Variants in FSTL4 observed in about 807,000 individuals in gnomAD.
FSTL4 encodes follistatin like 4.
Under a neutral mutation model 78.2 loss-of-function variants are expected in FSTL4, and 28 were observed. That is an observed-to-expected ratio of 0.36 (90% CI 0.27 to 0.49). The LOEUF (loss-of-function observed/expected upper bound fraction) is 0.49. Ranked by LOEUF, FSTL4 falls within the 20% of genes least tolerant of loss-of-function variation. The pLI is 0.98. For synonymous variants in FSTL4, 422 were observed against 440.5 expected (o/e 0.96, Z 0.53); for missense variants, 922 against 1,084.9 (o/e 0.85, Z 2.11).
chr5:133,466,971 T>C (rs111360218), intron 3 of FSTL4, among the ~76,000 whole-genome samples: 5 of 130,968 alleles, frequency 3.8e-5, no homozygotes, highest in Non-Finnish European at 1.5e-5. Flanking sequence ...TGTGTGTGTA[T>C]GTGTATGAGT....
chr5:133,627,351 G>C, the FSTL4 span, among the ~76,000 whole-genome samples: 20,386 of 151,818 alleles, frequency 0.13, 1,744 homozygotes, highest in African/African-American at 0.24. Flanking sequence ...AAGACAATGA[G>C]AGCCAAGGAA....
At chr5:133,484,780 C>T (rs1376707238) in intron 3 of FSTL4, among the ~76,000 whole-genome samples, 7 of 152,202 alleles carry the variant, frequency 4.6e-5, no homozygotes, top group African/African-American at 1.7e-4. Context: ...CAACCGATGT[C>T]AGTGTGAGGG....
chr5:133,234,884 A>C (rs73788003), intron 7 of FSTL4, among the ~76,000 whole-genome samples: 8,076 of 152,254 alleles, frequency 0.053, 720 homozygotes, highest in African/African-American at 0.18. Flanking sequence ...TGCATGATAT[A>C]CACAGGGGAT....
the FSTL4 span, among the ~76,000 whole-genome samples, chr5:133,774,361 C>T: frequency 6.6e-6 from 1 of 152,110 alleles, no homozygotes; most frequent in East Asian, 1.9e-4. Flanking sequence ...TGTCTGAAGA[C>T]ATTTTGGGTT....
intron 6 of FSTL4, among the ~76,000 whole-genome samples, chr5:133,277,916 G>A (rs1021782997): frequency 4.6e-5 from 7 of 152,312 alleles, no homozygotes; most frequent in Admixed American, 3.3e-4. Context: ...GACGCCACGC[G>A]ACAAGGGATT....
At chr5:133,806,421 T>C in the FSTL4 span, among the ~76,000 whole-genome samples, 3 of 152,232 alleles carry the variant, frequency 2.0e-5, no homozygotes, top group African/African-American at 7.2e-5. Context: ...ACCTTGCAAA[T>C]GAAATAGTCA....
At chr5:133,625,079 A>G in the FSTL4 span, among the ~76,000 whole-genome samples, 3 of 151,412 alleles carry the variant, frequency 2.0e-5, no homozygotes, top group Non-Finnish European at 3.0e-5. Flanking sequence ...TGGGTCTTTA[A>G]TGTTTTTTTT....
At chr5:133,730,278 T>A in the FSTL4 span, among the ~76,000 whole-genome samples, 1 of 152,168 alleles carries the variant, frequency 6.6e-6, no homozygotes, top group East Asian at 1.9e-4. Flanking sequence ...CTCAACTGTG[T>A]CCCCTCATCA....
chr5:133,631,196 T>G, the FSTL4 span, among the ~76,000 whole-genome samples: 3 of 151,902 alleles, frequency 2.0e-5, no homozygotes, highest in African/African-American at 7.3e-5. Flanking sequence ...GAAACTATCA[T>G]GAGAGTGAAC....
chr5:133,535,898 C>T (rs246781), intron 3 of FSTL4, among the ~76,000 whole-genome samples: 61,984 of 151,936 alleles, frequency 0.41, 12,969 homozygotes, highest in African/African-American at 0.49. Flanking sequence ...TGAGTGTCGT[C>T]GTTTTGTGTC....
intron 4 of FSTL4, among the ~76,000 whole-genome samples, chr5:133,316,946 G>C (rs1753920528): frequency 6.6e-6 from 1 of 152,208 alleles, no homozygotes; most frequent in South Asian, 2.1e-4. Context: ...GTGACTGCCA[G>C]ATGGAATGGG....
At chr5:133,562,708 AC>A (rs2112939577) in intron 3 of FSTL4, among the ~76,000 whole-genome samples, 1 of 152,178 alleles carries the variant, frequency 6.6e-6, no homozygotes, top group Non-Finnish European at 1.5e-5. Flanking sequence ...TCATCCCCAA[AC>A]TCGCAGCCCC....
At chr5:133,638,922 G>T in the FSTL4 span, among the ~76,000 whole-genome samples, 2 of 151,632 alleles carry the variant, frequency 1.3e-5, no homozygotes, top group Non-Finnish European at 1.5e-5. Context: ...TGTATTTTAG[G>T]TTTTTTTTAA....
At chr5:133,435,359 C>T (rs1408917643) in intron 3 of FSTL4, among the ~76,000 whole-genome samples, 1 of 152,196 alleles carries the variant, frequency 6.6e-6, no homozygotes, top group African/African-American at 2.4e-5. Context: ...TGCACAGTAG[C>T]ACCAAAGATG....
the FSTL4 span, among the ~76,000 whole-genome samples, chr5:133,828,680 C>T: frequency 6.6e-6 from 1 of 152,224 alleles, no homozygotes; most frequent in African/African-American, 2.4e-5. Flanking sequence ...TGCTGGTTCT[C>T]TCCTCTGCAA....
the FSTL4 span, among the ~76,000 whole-genome samples, chr5:133,757,368 C>G: frequency 2.0e-5 from 3 of 151,986 alleles, no homozygotes; most frequent in African/African-American, 7.2e-5. Flanking sequence ...TATTTTATGC[C>G]TGCAGTGCAT....
chr5:133,504,115 A>G (rs976379858), intron 3 of FSTL4, among the ~76,000 whole-genome samples: 17 of 152,082 alleles, frequency 1.1e-4, no homozygotes, highest in African/African-American at 3.4e-4. Context: ...CCCTCCTACC[A>G]CACGTGGGGA....
intron 7 of FSTL4, among the ~76,000 whole-genome samples, chr5:133,235,860 T>C (rs1376233670): frequency 6.6e-6 from 1 of 152,210 alleles, no homozygotes; most frequent in African/African-American, 2.4e-5. Context: ...TAATGACTAG[T>C]CAATTCTGGG....
rs193237776 is a variant in FSTL4 at position 133,277,261 on chromosome 5, C to T, written c.728-27685G>A. 1.3e-3 allele frequency among the ~76,000 whole-genome samples: 202 copies of T among 151,678 alleles called. 1 individual carries two copies. The highest frequency in any genetic ancestry group is 2.8e-3 in the Admixed American group (43 of 15,240). On this transcript the variant is annotated intron_variant, in intron 6 of 15. Coordinates refer to ENST00000265342, the MANE Select transcript of FSTL4 (RefSeq NM_015082.2). ...CTGAGAGGCAGAGGCTGCAGTGAGC[C>T]GAGATTGTGCCATTGCACTCCAGAC... is the stretch of plus-strand genomic sequence containing the variant.
Sources: gnomAD v4.1 joint callset for allele counts (sites outside exome capture counted in the v4.1 genomes callset) on GRCh38, gnomAD v4.1.1 for gene constraint, MANE v1.5 for transcripts, NCBI Gene and HGNC (gene_info 2026-07-23, HGNC 2026-07-21) for gene names.